BCL2L10: variants seen among roughly 807,000 people sequenced by gnomAD.
BCL2L10 encodes the protein BCL2 like 10, also known as bcl-2-like protein 10.
A neutral mutation model predicts 11.1 loss-of-function variants in BCL2L10; 14 were observed. The ratio of observed to expected loss-of-function variants is 1.26; its 90% CI spans 0.83 to 1.96. The LOEUF (loss-of-function observed/expected upper bound fraction) is 1.96, where lower values mean the gene tolerates loss of function less well. Ranked by LOEUF, BCL2L10 falls within the 30% of genes most tolerant of loss-of-function variation. The pLI, the probability that BCL2L10 is intolerant of heterozygous loss-of-function variation, is 0.00. For synonymous variants in BCL2L10, 154 were observed against 133.4 expected, an observed-to-expected ratio of 1.15 and a Z score of -1.07; for missense variants, 309 against 273.9, an observed-to-expected ratio of 1.13 and a Z score of -0.90.
At chr15:52,111,640 G>A (rs1317272896) in intron 1 of BCL2L10, among the ~76,000 whole-genome samples, 4 of 152,094 alleles carry the variant, frequency 2.6e-5, no homozygotes, top group African/African-American at 7.2e-5. Flanking sequence ...AGAGATGAAG[G>A]CTTGCAGCTG....
At chr15:52,110,131 C>A in intron 1 of BCL2L10, among the ~76,000 whole-genome samples, 158 bp from the exon 2 acceptor site, 1 of 152,090 alleles carries the variant, frequency 6.6e-6, no homozygotes, top group East Asian at 1.9e-4. Context: ...AATGAGGAGC[C>A]CCTGAGGAGT....
At position 52,112,312 on chromosome 15, in the gene BCL2L10, G is replaced by A. The variant is rs554739328; in HGVS notation, c.415C>T (p.Gln139Ter). ...EQEGDVARDC[Q>*]RLVALLSSRL... is the part of the protein sequence containing the mutation. The stretch of plus-strand genomic sequence containing the variant: ...GAGCTCAGCAAGGCCACCAGGCGCT[G>A]GCAGTCCCGGGCGACGTCGCCCTCC... The change falls in exon 1 of 2, where the codon CAG becomes TAG. Residue 139 changes from glutamine to a stop codon, truncating the protein, a stop_gained. Transcript: ENST00000260442. LOFTEE classifies it high-confidence loss of function. 2 of 1,576,162 alleles carry A rather than the reference G, an allele frequency of 1.3e-6. No homozygotes were observed. Among genetic ancestry groups the A allele is most frequent in the Non-Finnish European group, 8.6e-7 (1 of 1,168,140 alleles).
intron 1 of BCL2L10, among the ~76,000 whole-genome samples, chr15:52,111,679 G>A (rs1002525963): frequency 5.3e-5 from 8 of 152,008 alleles, no homozygotes; most frequent in South Asian, 4.2e-4. Flanking sequence ...CGTTCTCACC[G>A]AGGACTGGGT....
At position 52,109,984 on chromosome 15, in the gene BCL2L10, G is replaced by T; in HGVS notation, c.490-11C>A. 1 of 1,591,458 alleles carries T rather than the reference G, an allele frequency of 6.3e-7. No individual in the cohort carries two copies. Among genetic ancestry groups the T allele is most frequent in the Non-Finnish European group, 8.5e-7 (1 of 1,169,722 alleles). ...GTGACAAAAGCCATCCTACAGGGGGGAGAGAGAAAAGTTAGATTGCCTCAT... is the reference window on the plus strand; with the variant it reads ...GTGACAAAAGCCATCCTACAGGGGGTAGAGAGAAAAGTTAGATTGCCTCAT... On this transcript the variant is annotated splice_polypyrimidine_tract_variant and intron_variant, in intron 1 of 1. Coordinates refer to ENST00000260442, the MANE Select transcript of BCL2L10 (RefSeq NM_020396.4).
chr15:52,109,873 A>C lies in BCL2L10; in HGVS notation c.590T>G (p.Ile197Ser). The C allele has an allele frequency of 6.2e-7, 1 of 1,614,012 alleles. No individual in the cohort carries two copies. Among genetic ancestry groups the C allele is most frequent in the Non-Finnish European group, 8.5e-7 (1 of 1,179,944 alleles). ...TCATAATAATCGTGTCCAGAGATAAATGAAGGCTGTTGTTAACAAGCATGA... is the reference window on the plus strand; with the variant it reads ...TCATAATAATCGTGTCCAGAGATAACTGAAGGCTGTTGTTAACAAGCATGA... ...FLSCLLTTAF[I>S]YLWTRLL Residue 197 changes from isoleucine to serine, a missense_variant, in exon 2 of 2, where the codon ATT (isoleucine) becomes AGT (serine). Coordinates refer to ENST00000260442, the MANE Select transcript of BCL2L10 (RefSeq NM_020396.4).
Position 52,112,723 on chromosome 15 carries a change from C to T in BCL2L10, c.4G>A (p.Val2Ile). The T allele has an allele frequency of 6.5e-7, 1 of 1,532,488 alleles. No homozygotes were observed. The allele number at this position is 1,532,488 out of a possible 1,614,324, so 94.9% of individuals were successfully genotyped here. A position where few individuals can be genotyped will look rare whatever the true frequency, so the allele number is the denominator to read the frequency against. ...GTGGTGCGCTCCCGCAACTGGTCAA[C>T]CATGGTCCGGCCTCTGCTGGGGGGC... M[V>I]DQLRERTTMA... Residue 2 changes from valine to isoleucine, a missense_variant, in exon 1 of 2, where the codon GTT becomes ATT. By Grantham distance (29) the Val-to-Ile change is conservative. Coordinates refer to ENST00000260442, the MANE Select transcript of BCL2L10 (RefSeq NM_020396.4).
chr15:52,111,183 C>A (rs891759661), intron 1 of BCL2L10, among the ~76,000 whole-genome samples: 1 of 141,270 alleles, frequency 7.1e-6, no homozygotes, highest in Non-Finnish European at 1.6e-5. Flanking sequence ...AACACACACA[C>A]ACACACACAC....
chr15:52,112,752 G>A lies in BCL2L10; in HGVS notation c.-26C>T. 1.3e-6 allele frequency: 2 copies of A among 1,500,826 alleles called. No homozygotes were observed. The highest frequency in any genetic ancestry group is 1.8e-6 in the Non-Finnish European group (2 of 1,132,268). 93.0% of individuals were successfully genotyped at this position (1,500,826 alleles called of 1,614,324 possible). A position where few individuals can be genotyped will look rare whatever the true frequency, so the allele number is the denominator to read the frequency against. On this transcript the variant is annotated 5_prime_UTR_variant, in exon 1 of 2. Transcript: ENST00000260442. Reference sequence around the variant, plus strand: ...GGTCCGGCCTCTGCTGGGGGGCCGGGCCTTCGCTGGTTTTCTTGGCCCGGC... The same window carrying A: ...GGTCCGGCCTCTGCTGGGGGGCCGGACCTTCGCTGGTTTTCTTGGCCCGGC...
chr15:52,111,971 T>G (rs191789288), intron 1 of BCL2L10, among the ~76,000 whole-genome samples: 54 of 152,200 alleles, frequency 3.5e-4, no homozygotes, highest in African/African-American at 1.3e-3. Flanking sequence ...CAGGGCAAGG[T>G]CCAAGTGAGC....
At chr15:52,111,964 G>C (rs2033062524) in intron 1 of BCL2L10, among the ~76,000 whole-genome samples, 1 of 152,248 alleles carries the variant, frequency 6.6e-6, no homozygotes, top group Non-Finnish European at 1.5e-5. Context: ...CTAAGGCCAG[G>C]GCAAGGTCCA....
rs770973408 is a variant in BCL2L10, at chr15:52,112,705, G to A, written c.22C>T (p.Arg8Cys). Reference sequence around the variant, plus strand: ...CGCAGCGGGTCGGCCATGGTGGTGCGCTCCCGCAACTGGTCAACCATGGTC... The same window carrying A: ...CGCAGCGGGTCGGCCATGGTGGTGCACTCCCGCAACTGGTCAACCATGGTC... MVDQLRERTTMADPLRER... is the reference protein window; with the variant it reads MVDQLRECTTMADPLRER... Residue 8 changes from arginine (R) to cysteine (C), a missense_variant, in exon 1 of 2, where the codon CGC becomes TGC. Arg to Cys is a radical substitution (Grantham distance 180, BLOSUM62 -3). Coordinates refer to ENST00000260442, the MANE Select transcript of BCL2L10 (RefSeq NM_020396.4). 1.7e-4 allele frequency: 266 copies of A among 1,536,456 alleles called. 1 individual carries two copies. Among genetic ancestry groups the A allele is most frequent in the Middle Eastern group, 1.3e-3 (7 of 5,410 alleles).
At position 52,112,689 on chromosome 15, in the gene BCL2L10, T is replaced by A; in HGVS notation, c.38A>T (p.Asp13Val). ...CAGCTCGGTGCGCTCCCGCAGCGGGTCGGCCATGGTGGTGCGCTCCCGCAA... is the reference window on the plus strand; with the variant it reads ...CAGCTCGGTGCGCTCCCGCAGCGGGACGGCCATGGTGGTGCGCTCCCGCAA... ...DQLRERTTMA[D>V]PLRERTELLL... Residue 13 changes from aspartate (D) to valine (V), a missense_variant, in exon 1 of 2, where the codon GAC becomes GTC. Transcript: ENST00000260442. 6.5e-7 allele frequency: 1 copy of A among 1,538,738 alleles called. No homozygotes were observed. The highest frequency in any genetic ancestry group is 8.7e-7 in the Non-Finnish European group (1 of 1,148,484).
rs776580055 is a variant in BCL2L10 at position 52,112,630 on chromosome 15, C to G, written c.97G>C (p.Glu33Gln). Residue 33 changes from glutamate to glutamine, a missense_variant, in exon 1 of 2, where the codon GAA becomes CAA. Physicochemically the swap from Glu to Gln is conservative, Grantham distance 29 (BLOSUM62 2). Coordinates refer to ENST00000260442, the MANE Select transcript of BCL2L10 (RefSeq NM_020396.4). ...GGCGCCGGCTCGGGGGTGCCGGGTTCCCGGGCGCAGTACCCCAGGTAGTCG... is the reference window on the plus strand; with the variant it reads ...GGCGCCGGCTCGGGGGTGCCGGGTTGCCGGGCGCAGTACCCCAGGTAGTCG... ...LADYLGYCAREPGTPEPAPST... is the reference protein window; with the variant it reads ...LADYLGYCARQPGTPEPAPST... The G allele has an allele frequency of 6.4e-6, 10 of 1,565,100 alleles. No homozygotes were observed. Among genetic ancestry groups the G allele is most frequent in the Non-Finnish European group, 8.6e-6 (10 of 1,163,826 alleles).
Position 52,109,707 on chromosome 15 carries a change from C to T in BCL2L10, c.*141G>A, listed in dbSNP as rs2033020234. 6 of 1,167,430 alleles carry T rather than the reference C, an allele frequency of 5.1e-6. No individual in the cohort carries two copies. Among genetic ancestry groups the T allele is most frequent in the Non-Finnish European group, 7.1e-6 (6 of 839,568 alleles). 72.3% of individuals were successfully genotyped at this position (1,167,430 alleles called of 1,614,324 possible). ...ACAAGTTAAAACACTGGCCAAATCA[C>T]CACCTCAGGACTCCTTGTATGCATT... On this transcript the variant is annotated 3_prime_UTR_variant, in exon 2 of 2. Transcript: ENST00000260442.
In BCL2L10 at chr15:52,109,776, T is replaced by A; in HGVS notation, c.*72A>T. ...GTGGGGGAAGGTGCTTTCCCTCAGTTCTTGTTCTCACACATCTGTCATTTA... is the reference window on the plus strand; with the variant it reads ...GTGGGGGAAGGTGCTTTCCCTCAGTACTTGTTCTCACACATCTGTCATTTA... On this transcript the variant is annotated 3_prime_UTR_variant, in exon 2 of 2. Transcript: ENST00000260442. 6.3e-7 allele frequency: 1 copy of A among 1,586,450 alleles called. No homozygotes were observed. Among genetic ancestry groups the A allele is most frequent in the Non-Finnish European group, 8.6e-7 (1 of 1,161,734 alleles).
chr15:52,112,169 G>C lies in BCL2L10; in HGVS notation c.489+69C>G, dbSNP rs931239305. ...GGCCTGGCGCGGTGGGTTCCTCACC[G>C]TGCCAGCCTCGTGGGCGCTTCCCGG... is the stretch of plus-strand genomic sequence containing the variant. On this transcript the variant is annotated intron_variant, in intron 1 of 1. Transcript: ENST00000260442. 3.5e-6 allele frequency: 5 copies of C among 1,413,898 alleles called. No individual in the cohort carries two copies. In the African/African-American group the frequency reaches 6.0e-5, roughly 17 times the overall value. The allele number at this position is 1,413,898 out of a possible 1,614,324, so 87.6% of individuals were successfully genotyped here.
intron 1 of BCL2L10, among the ~76,000 whole-genome samples, chr15:52,110,857 C>G (rs565205712): frequency 1.3e-5 from 2 of 152,146 alleles, no homozygotes; most frequent in African/African-American, 4.8e-5. Flanking sequence ...ACAGAGAGCC[C>G]GGAGGGGCCA....
chr15:52,112,185 C>T (rs934113618), intron 1 of BCL2L10, 53 bp downstream of exon 1: 3 of 1,423,462 alleles, frequency 2.1e-6, no homozygotes, highest in Non-Finnish European at 2.7e-6. Flanking sequence ...GCCTCGTGGG[C>T]GCTTCCCGGC....
chr15:52,111,490 G>A (rs2033055547), intron 1 of BCL2L10, among the ~76,000 whole-genome samples: 1 of 152,180 alleles, frequency 6.6e-6, no homozygotes, highest in South Asian at 2.1e-4. Flanking sequence ...TTCAGTCATT[G>A]AATCAACGCC....
Sources: gnomAD v4.1 joint callset for allele counts (sites outside exome capture counted in the v4.1 genomes callset) on GRCh38, gnomAD v4.1.1 for gene constraint, MANE v1.5 for transcripts, NCBI Gene and HGNC (gene_info 2026-07-23, HGNC 2026-07-21) for gene names.